TSC22D4: variants seen among roughly 807,000 people sequenced by gnomAD.
TSC22D4 encodes the protein TSC22 domain family member 4, also known as TSC22 domain family protein 4.
A neutral mutation model predicts 24.9 loss-of-function variants in TSC22D4; 5 were observed. That is an observed-to-expected ratio of 0.20 (90% CI 0.10 to 0.42). The LOEUF is 0.42. Ranked by LOEUF, TSC22D4 falls within the 10% of genes least tolerant of loss-of-function variation. TSC22D4 has a pLI of 1.00. For missense variants in TSC22D4, 469 were observed against 547.9 expected (o/e 0.86, Z 1.44); for synonymous variants, 245 against 243.2 (o/e 1.01, Z -0.07).
chr7:100,466,753 T>C lies in TSC22D4; in HGVS notation c.*206A>G, dbSNP rs1799284569. 1.8e-5 allele frequency: 11 copies of C among 604,908 alleles called. No individual in the cohort carries two copies. The highest frequency in any genetic ancestry group is 8.9e-4 in the Middle Eastern group (2 of 2,236). The allele number at this position is 604,908 out of a possible 1,614,324, so 37.5% of individuals were successfully genotyped here. On this transcript the variant is annotated 3_prime_UTR_variant, in exon 5 of 5. Transcript: ENST00000300181. ...TGGTTCCCTCCCAGAGGGGGCTCCC[T>C]CTGACGCCCCGTCCTGAAGCCCTCC...
In TSC22D4 at chr7:100,477,198, G is replaced by A. The variant is rs572063652; in HGVS notation, c.762+79C>T. The A allele has an allele frequency of 3.1e-5, 36 of 1,174,870 alleles. No individual in the cohort carries two copies. Among genetic ancestry groups the A allele is most frequent in the Middle Eastern group, 2.4e-4 (1 of 4,148 alleles). 72.8% of individuals were successfully genotyped at this position (1,174,870 alleles called of 1,614,324 possible). On this transcript the variant is annotated intron_variant, in intron 2 of 4. Coordinates refer to ENST00000300181, the MANE Select transcript of TSC22D4 (RefSeq NM_030935.5). The surrounding 1 kb of genome is among the most constrained non-coding windows in gnomAD (Gnocchi z 7.8). ...AAGTGATGGAGAAGGAGGAGGAGAG[G>A]GGGGGGAGGAGGAGGAAGGAGGCTC...
chr7:100,466,657 T>G lies in TSC22D4; in HGVS notation c.*302A>C. 2.4e-6 allele frequency: 1 copy of G among 411,280 alleles called. No individual in the cohort carries two copies. The allele number at this position is 411,280 out of a possible 1,614,324, so 25.5% of individuals were successfully genotyped here. The stretch of plus-strand genomic sequence containing the variant: ...TCAAGGGAACAAGATGGGGGTGGGG[T>G]GTCTGCCGGGGAGCCTCCGACTCCC... On this transcript the variant is annotated 3_prime_UTR_variant, in exon 5 of 5. Coordinates refer to ENST00000300181, the MANE Select transcript of TSC22D4 (RefSeq NM_030935.5).
In TSC22D4 at chr7:100,477,417, G is replaced by A. The variant is rs368572381; in HGVS notation, c.622C>T (p.Arg208Trp). ...PETGESAGTS[R>W]AATPLPSLRV... is the part of the protein sequence containing the mutation. ...AGAGAGGGCAGGGGCGTGGCAGCCC[G>A]GGATGTGCCCGCACTCTCACCGGTC... Residue 208 changes from arginine (R) to tryptophan (W), a missense_variant, in exon 2 of 5, where the codon CGG becomes TGG. Coordinates refer to ENST00000300181, the MANE Select transcript of TSC22D4 (RefSeq NM_030935.5). The surrounding 1 kb of genome is among the most constrained non-coding windows in gnomAD (Gnocchi z 7.8). 2.9e-5 allele frequency: 46 copies of A among 1,592,904 alleles called. No individual in the cohort carries two copies. The highest frequency in any genetic ancestry group is 3.6e-5 in the Non-Finnish European group (42 of 1,169,034).
chr7:100,467,869 C>T (rs1250813157), intron 3 of TSC22D4: 1 of 648,086 alleles, frequency 1.5e-6, no homozygotes, highest in Non-Finnish European at 2.9e-6. Flanking sequence ...TCGGGGCAGC[C>T]CCGGAGCCAT....
chr7:100,473,733 T>G (rs1213737215), intron 3 of TSC22D4: 1 of 151,766 alleles, frequency 6.6e-6, no homozygotes, highest in East Asian at 1.9e-4. Flanking sequence ...TGAGCCACCA[T>G]GCCCAGCCTA....
chr7:100,474,669 G>C lies in TSC22D4; in HGVS notation c.763-229C>G, dbSNP rs1799460625. 6.6e-6 allele frequency among the ~76,000 whole-genome samples: 1 copy of C among 152,114 alleles called. No homozygotes were observed. The highest frequency in any genetic ancestry group is 1.5e-5 in the Non-Finnish European group (1 of 68,014). ...AAGGAATGGGAGGAGTGGTGTATAG[G>C]ACATTAGAGAGAGTCTCCCAAGTGG... is the stretch of plus-strand genomic sequence containing the variant. On this transcript the variant is annotated intron_variant, in intron 2 of 4. Coordinates refer to ENST00000300181, the MANE Select transcript of TSC22D4 (RefSeq NM_030935.5). The surrounding 1 kb of genome is among the most constrained non-coding windows in gnomAD (Gnocchi z 4.3).
Position 100,477,883 on chromosome 7 carries a change from C to T in TSC22D4, c.156G>A (p.Pro52=), listed in dbSNP as rs763074837. 10 of 1,545,198 alleles carry T rather than the reference C, an allele frequency of 6.5e-6. No homozygotes were observed. Among genetic ancestry groups the T allele is most frequent in the East Asian group, 2.4e-5 (1 of 41,038 alleles). Residue 52 remains proline (P), a synonymous_variant, in exon 2 of 5, where the codon CCG becomes CCA. Coordinates refer to ENST00000300181, the MANE Select transcript of TSC22D4 (RefSeq NM_030935.5). This position sits in a 1 kb window ranked among gnomAD's most constrained non-coding sequence, Gnocchi z 7.8. Reference sequence around the variant, plus strand: ...CATTCCGGGGGGTGCCCTTGCCCCCCGGATCGGGGCTGGGCTCCCCATTGG... The same window carrying T: ...CATTCCGGGGGGTGCCCTTGCCCCCTGGATCGGGGCTGGGCTCCCCATTGG... ...RLPNGEPSPD[P]GGKGTPRNGS... is the part of the protein sequence containing the mutation.
chr7:100,477,526 G>A lies in TSC22D4; in HGVS notation c.513C>T (p.Gly171=), dbSNP rs1799523622. Reference sequence around the variant, plus strand: ...TGGCTTTGCTGGGCACCACCAGCTGGCCCAGTCCCCCAGTGAAGGAGCGGG... The same window carrying A: ...TGGCTTTGCTGGGCACCACCAGCTGACCCAGTCCCCCAGTGAAGGAGCGGG... ...PQARSFTGGL[G]QLVVPSKAKA... is the part of the protein sequence containing the mutation. The change falls in exon 2 of 5, where the codon GGC becomes GGT. Residue 171 remains glycine (G), a synonymous_variant. Transcript: ENST00000300181. The surrounding 1 kb of genome is among the most constrained non-coding windows in gnomAD (Gnocchi z 7.8). 2.6e-6 allele frequency: 4 copies of A among 1,559,464 alleles called. No individual in the cohort carries two copies. The East Asian group carries it at 9.0e-5, about 35-fold the overall frequency.
intron 3 of TSC22D4, among the ~76,000 whole-genome samples, chr7:100,471,079 T>C (rs1275251806): frequency 2.6e-5 from 4 of 152,106 alleles, no homozygotes; most frequent in African/African-American, 9.7e-5. Context: ...GCCTGGGATC[T>C]TGGGGACAGG....
Position 100,474,149 on chromosome 7 carries a change from C to T in TSC22D4, c.929+125G>A. 1 of 1,322,364 alleles carries T rather than the reference C, an allele frequency of 7.6e-7. No homozygotes were observed. The highest frequency in any genetic ancestry group is 1.0e-6 in the Non-Finnish European group (1 of 957,836). 81.9% of individuals were successfully genotyped at this position (1,322,364 alleles called of 1,614,324 possible). On this transcript the variant is annotated intron_variant, in intron 3 of 4. Transcript: ENST00000300181. This position sits in a 1 kb window ranked among gnomAD's most constrained non-coding sequence, Gnocchi z 4.3. ...GTGGCTATGCCCAGGCCAGGTTTCT[C>T]TAAGAGGTCCTCTCCAAGTTCAACC...
At chr7:100,478,350 A>AGAGAGAGAGAGAGAGTGTGTGT (rs1228276528) in intron 1 of TSC22D4, 43 bp from the exon 2 acceptor site, 1 of 82,804 alleles carries the variant, frequency 1.2e-5, no homozygotes, top group African/African-American at 7.5e-5. Flanking sequence ...AGAGAGAGAG[A>AGAGAGAGAGAGAGAGTGTGTGT]GTGTGTGTGT....
chr7:100,473,077 G>A (rs1170511735), intron 3 of TSC22D4, among the ~76,000 whole-genome samples: 2 of 152,164 alleles, frequency 1.3e-5, no homozygotes, highest in African/African-American at 4.8e-5. Flanking sequence ...AGGCAGCCTG[G>A]CTATCTCTGA....
Position 100,477,612 on chromosome 7 carries a change from C to A in TSC22D4, c.427G>T (p.Gly143Cys). ...CAGGAGGTGGGGCCCTGAGACAGGC[C>A]TGACGGTGGGGTGGGGGCGCCCAGG... The part of the protein sequence containing the change: ...LGLGAPTPPS[G>C]LSQGPTSWLR... The change falls in exon 2 of 5, where the codon GGC becomes TGC. Residue 143 changes from glycine to cysteine, a missense_variant. Transcript: ENST00000300181. The surrounding 1 kb of genome is among the most constrained non-coding windows in gnomAD (Gnocchi z 7.8). 1 of 1,599,176 alleles carries A rather than the reference C, an allele frequency of 6.3e-7. No homozygotes were observed.
chr7:100,477,241 A>G lies in TSC22D4; in HGVS notation c.762+36T>C. ...GGAGGCTCAAGATAGAGGTTAGGCC[A>G]GGGCTGATGGGCCAGCCCTAGAACC... is the stretch of plus-strand genomic sequence containing the variant. On this transcript the variant is annotated intron_variant, in intron 2 of 4. Transcript: ENST00000300181. The surrounding 1 kb of genome is among the most constrained non-coding windows in gnomAD (Gnocchi z 7.8). 1.4e-6 allele frequency: 2 copies of G among 1,446,896 alleles called. No homozygotes were observed. The highest frequency in any genetic ancestry group is 1.8e-6 in the Non-Finnish European group (2 of 1,095,350). 89.6% of individuals were successfully genotyped at this position (1,446,896 alleles called of 1,614,324 possible).
intron 3 of TSC22D4, among the ~76,000 whole-genome samples, chr7:100,472,755 G>A (rs145459237): frequency 0.011 from 1,381 of 128,174 alleles, 27 homozygotes; most frequent in African/African-American, 0.037. Context: ...CGTCCCACCA[G>A]CTCCTGGCCA....
chr7:100,470,238 C>T (rs771500684), intron 3 of TSC22D4, among the ~76,000 whole-genome samples: 3 of 152,120 alleles, frequency 2.0e-5, no homozygotes, highest in Non-Finnish European at 4.4e-5. Flanking sequence ...TTCATTCTCA[C>T]CAGAGATAAA....
At chr7:100,472,353 C>T (rs1176071426) in intron 3 of TSC22D4, among the ~76,000 whole-genome samples, 2 of 147,248 alleles carry the variant, frequency 1.4e-5, no homozygotes, top group African/African-American at 5.1e-5. Flanking sequence ...CCTTGGAGCA[C>T]AGCAGGGTGA....
Position 100,466,923 on chromosome 7 carries a change from G to T in TSC22D4, c.*36C>A. ...GGGGCAGGCGGCTGACGCAAGGCCG[G>T]GCAGCCCCAAAGGCACATTGTAAGG... On this transcript the variant is annotated 3_prime_UTR_variant, in exon 5 of 5. Coordinates refer to ENST00000300181, the MANE Select transcript of TSC22D4 (RefSeq NM_030935.5). The T allele has an allele frequency of 6.7e-7, 1 of 1,497,532 alleles. No homozygotes were observed. The highest frequency in any genetic ancestry group is 8.9e-7 in the Non-Finnish European group (1 of 1,119,340). 92.8% of individuals were successfully genotyped at this position (1,497,532 alleles called of 1,614,324 possible).
rs1397084384 is a variant in TSC22D4, at chr7:100,467,076, C to T, written c.1071G>A (p.Ala357=). Residue 357 remains alanine, a synonymous_variant, in exon 5 of 5, where the codon GCG becomes GCA. Coordinates refer to ENST00000300181, the MANE Select transcript of TSC22D4 (RefSeq NM_030935.5). The part of the protein sequence containing the change: ...QIRELAERNA[A]LEQENGLLRA... The stretch of plus-strand genomic sequence containing the variant: ...GCAGCAGCCCATTCTCCTGCTCCAG[C>T]GCAGCGTTCCGCTCCGCCAATTCCC... The T allele has an allele frequency of 6.8e-6, 11 of 1,613,936 alleles. No individual in the cohort carries two copies. The highest frequency in any genetic ancestry group is 5.0e-5 in the Admixed American group (3 of 60,012).
Sources: gnomAD v4.1 joint callset for allele counts (sites outside exome capture counted in the v4.1 genomes callset) on GRCh38, gnomAD v4.1.1 for gene constraint, Gnocchi (gnomAD v3.1) non-coding constraint, MANE v1.5 for transcripts, NCBI Gene and HGNC (gene_info 2026-07-23, HGNC 2026-07-21) for gene names.